The following SUFU variants were observed in gnomAD, a reference collection of about 807,000 sequenced individuals.
SUFU encodes the protein suppressor of fused homolog.
A neutral mutation model predicts 58.9 loss-of-function variants in SUFU; 7 were observed. The ratio of observed to expected loss-of-function variants is 0.12; its 90% CI spans 0.07 to 0.22. The LOEUF (loss-of-function observed/expected upper bound fraction) is 0.22. Among genes scored for constraint, SUFU ranks in the 10% least tolerant of loss-of-function variants. SUFU has a pLI of 1.00. For missense variants in SUFU, 451 were observed against 641.3 expected (o/e 0.70, Z 3.20); for synonymous variants, 232 against 254.8 (o/e 0.91, Z 0.85).
chr10:102,535,769 C>G (rs1242963791), intron 2 of SUFU, among the ~76,000 whole-genome samples: 1 of 152,128 alleles, frequency 6.6e-6, no homozygotes, highest in African/African-American at 2.4e-5. Context: ...CAGGCCACCC[C>G]CAGAGGAAGG....
At chr10:102,564,477 C>T (rs1166280386) in intron 3 of SUFU, among the ~76,000 whole-genome samples, 2 of 152,054 alleles carry the variant, frequency 1.3e-5, no homozygotes, top group Non-Finnish European at 2.9e-5. Context: ...GGATTACAGG[C>T]GTGCACCACC....
chr10:102,556,174 G>A (rs867822658), intron 3 of SUFU, among the ~76,000 whole-genome samples: 3 of 152,208 alleles, frequency 2.0e-5, no homozygotes, highest in Admixed American at 6.6e-5. Context: ...GTGTGGGGGC[G>A]GGGGCGGAGA....
Position 102,504,028 on chromosome 10 carries a change from T to C in SUFU, c.-125T>C. 2 of 1,324,376 alleles carry C rather than the reference T, an allele frequency of 1.5e-6. No individual in the cohort carries two copies. The highest frequency in any genetic ancestry group is 2.0e-6 in the Non-Finnish European group (2 of 1,005,186). The allele number at this position is 1,324,376 out of a possible 1,614,324, so 82.0% of individuals were successfully genotyped here. A position where few individuals can be genotyped will look rare whatever the true frequency, so the allele number is the denominator to read the frequency against. ...AGTGCGCCGTGCGCAGGCGCGGAGCTAGACCTCGCTGCAGCCCCCATCGCC... is the reference window on the plus strand; with the variant it reads ...AGTGCGCCGTGCGCAGGCGCGGAGCCAGACCTCGCTGCAGCCCCCATCGCC... On this transcript the variant is annotated 5_prime_UTR_variant, in exon 1 of 12. Transcript: ENST00000369902.
chr10:102,620,407 G>A (rs2063729749), intron 10 of SUFU, among the ~76,000 whole-genome samples: 1 of 152,196 alleles, frequency 6.6e-6, no homozygotes, highest in African/African-American at 2.4e-5. Context: ...CTGCTCCACA[G>A]CCTTCCCCCA....
chr10:102,551,618 A>G (rs1024685106), intron 3 of SUFU, among the ~76,000 whole-genome samples: 1 of 151,454 alleles, frequency 6.6e-6, no homozygotes, highest in African/African-American at 2.4e-5. Flanking sequence ...AGCCTGGGCA[A>G]CAGAGCAAGA....
intron 8 of SUFU, among the ~76,000 whole-genome samples, chr10:102,604,678 T>C (rs1024250188): frequency 2.1e-4 from 32 of 152,264 alleles, no homozygotes; most frequent in African/African-American, 7.5e-4. Flanking sequence ...AAAGGAAAGC[T>C]GGGGTTCTGG....
chr10:102,619,609 C>A lies in SUFU; in HGVS notation c.1296+2181C>A. 1 of 669,466 alleles carries A rather than the reference C, an allele frequency of 1.5e-6. No individual in the cohort carries two copies. The highest frequency in any genetic ancestry group is 1.9e-6 in the Non-Finnish European group (1 of 526,518). 41.5% of individuals were successfully genotyped at this position (669,466 alleles called of 1,614,324 possible). On this transcript the variant is annotated intron_variant, in intron 10 of 11. Transcript: ENST00000369902. The surrounding 1 kb of genome is among the most constrained non-coding windows in gnomAD (Gnocchi z 4.2). ...GTTTCTCAGGCCCTTTCCAAGGAGCCCTGGGAAACCCTCTGACCCTGCCCC... is the reference window on the plus strand; with the variant it reads ...GTTTCTCAGGCCCTTTCCAAGGAGCACTGGGAAACCCTCTGACCCTGCCCC...
chr10:102,567,502 T>A (rs1350091631), intron 3 of SUFU, among the ~76,000 whole-genome samples: 1 of 151,990 alleles, frequency 6.6e-6, no homozygotes, highest in African/African-American at 2.4e-5. Flanking sequence ...AGCTTGTTGT[T>A]TAGGTTCTTC....
chr10:102,505,090 G>C (rs1762031890), intron 1 of SUFU, among the ~76,000 whole-genome samples: 1 of 152,296 alleles, frequency 6.6e-6, no homozygotes, highest in South Asian at 2.1e-4. Flanking sequence ...GATTGAAGGG[G>C]CCGACAGCTT....
At chr10:102,552,442 TACAC>T (rs368102340) in intron 3 of SUFU, among the ~76,000 whole-genome samples, 4 of 149,232 alleles carry the variant, frequency 2.7e-5, no homozygotes, top group Non-Finnish European at 4.5e-5. Flanking sequence ...AAAAAAAAAA[TACAC>T]ACACACACAC....
At chr10:102,549,066 C>T (rs998941946) in intron 2 of SUFU, among the ~76,000 whole-genome samples, 1 of 152,144 alleles carries the variant, frequency 6.6e-6, no homozygotes, top group African/African-American at 2.4e-5. Context: ...TATTTGGAAT[C>T]TGCCTTAGGA....
chr10:102,518,078 T>C (rs1214497586), intron 2 of SUFU, among the ~76,000 whole-genome samples: 2 of 152,230 alleles, frequency 1.3e-5, no homozygotes, highest in Admixed American at 1.3e-4. Context: ...TCCTGTGATC[T>C]TCAGTGTTCC....
chr10:102,614,858 A>G (rs543947099), intron 8 of SUFU, among the ~76,000 whole-genome samples: 4 of 151,786 alleles, frequency 2.6e-5, no homozygotes, highest in African/African-American at 9.7e-5. Context: ...CCTGGGTAAT[A>G]GAACGAGACA....
intron 2 of SUFU, among the ~76,000 whole-genome samples, chr10:102,529,603 A>G (rs896711753): frequency 6.6e-6 from 1 of 152,106 alleles, no homozygotes; most frequent in African/African-American, 2.4e-5. Flanking sequence ...AGGCTGAGGC[A>G]GCAGTGAGCC....
rs1757428019 is a variant in SUFU at position 102,631,705 on chromosome 10, G to A, written c.*1550G>A. Reference sequence around the variant, plus strand: ...ATCCAGCCAAAGAGCTGCCCCCAGGGGTATGAGGGCACCAGCTGGGTTCTC... The same window carrying A: ...ATCCAGCCAAAGAGCTGCCCCCAGGAGTATGAGGGCACCAGCTGGGTTCTC... On this transcript the variant is annotated 3_prime_UTR_variant, in exon 12 of 12. Transcript: ENST00000369902. 4.3e-6 allele frequency: 1 copy of A among 233,468 alleles called. No individual in the cohort carries two copies. The highest frequency in any genetic ancestry group is 2.2e-5 in the African/African-American group (1 of 45,470). 14.5% of individuals were successfully genotyped at this position (233,468 alleles called of 1,614,324 possible).
intron 2 of SUFU, among the ~76,000 whole-genome samples, chr10:102,545,435 G>C (rs2062845845): frequency 6.6e-6 from 1 of 151,680 alleles, no homozygotes; most frequent in Admixed American, 6.6e-5. Flanking sequence ...CATCCAGCCA[G>C]GTTTTCAGTT....
intron 7 of SUFU, 134 bp from the exon 8 acceptor site, chr10:102,599,299 A>G (rs1170092520): frequency 2.7e-6 from 2 of 752,448 alleles, no homozygotes; most frequent in Non-Finnish European, 4.8e-6. Context: ...TTACATCTGG[A>G]TGCGTAGAGT....
At chr10:102,592,465 A>AG in intron 3 of SUFU, 117 bp from the exon 4 acceptor site, 1 of 1,180,272 alleles carries the variant, frequency 8.5e-7, no homozygotes, top group Non-Finnish European at 1.2e-6. Flanking sequence ...CTTCCTTCAC[A>AG]GGGGCTACCC....
At position 102,630,388 on chromosome 10, in the gene SUFU, CAGTG is replaced by C; in HGVS notation, c.*238_*241del. ...GGCTAAGCCTTGTGACCCATCAGGC[CAGTG>C]AGTGGGCAAATGCGGACCCTCCCTG... On this transcript the variant is annotated 3_prime_UTR_variant, in exon 12 of 12. Transcript: ENST00000369902. The C allele has an allele frequency of 1.7e-6, 1 of 575,636 alleles. No homozygotes were observed. The highest frequency in any genetic ancestry group is 2.0e-5 in the South Asian group (1 of 51,078). 35.7% of individuals were successfully genotyped at this position (575,636 alleles called of 1,614,324 possible).
Sources: allele counts gnomAD v4.1 joint callset (sites outside exome capture counted in the v4.1 genomes callset), GRCh38; gene constraint gnomAD v4.1.1; non-coding constraint Gnocchi (gnomAD v3.1); transcripts MANE v1.5; gene names NCBI Gene and HGNC (gene_info 2026-07-23, HGNC 2026-07-21).